GPC5: variants seen among roughly 807,000 people sequenced by gnomAD.
GPC5 encodes the protein glypican 5, also known as glypican-5.
GPC5 carries 47 observed loss-of-function variants against 53.9 expected under a neutral mutation model. That is an observed-to-expected ratio of 0.87 (90% CI 0.69 to 1.11). GPC5 has a LOEUF of 1.11. GPC5 is among the 50% of genes most tolerant of loss of function. The probability of loss-of-function intolerance (pLI) is 0.00; values close to 1 mark genes in which losing one functional copy is unlikely to be tolerated. For missense variants in GPC5, 748 were observed against 713.1 expected (o/e 1.05, Z -0.56); for synonymous variants, 286 against 263.3 (o/e 1.09, Z -0.84).
intron 7 of GPC5, among the ~76,000 whole-genome samples, chr13:92,595,550 C>T (rs865789968): frequency 1.3e-5 from 2 of 151,784 alleles, no homozygotes; most frequent in Admixed American, 6.6e-5. Context: ...AGGCGGATCA[C>T]GAGGTCAGGA....
intron 7 of GPC5, among the ~76,000 whole-genome samples, chr13:92,577,169 C>T (rs1394685522): frequency 6.6e-6 from 1 of 152,094 alleles, no homozygotes; most frequent in Non-Finnish European, 1.5e-5. Context: ...TCCTATCTGC[C>T]ATGCTTCTCT....
At chr13:92,046,107 G>T (rs1183622017) in intron 6 of GPC5, among the ~76,000 whole-genome samples, 1 of 137,508 alleles carries the variant, frequency 7.3e-6, no homozygotes, top group Non-Finnish European at 1.6e-5. Flanking sequence ...AACAGAGTGA[G>T]ACTATATCAA....
chr13:92,782,499 A>C (rs185172003), intron 7 of GPC5, among the ~76,000 whole-genome samples: 6 of 152,250 alleles, frequency 3.9e-5, no homozygotes, highest in Non-Finnish European at 8.8e-5. Flanking sequence ...TTTATACTGA[A>C]TCCTAAAGAA....
chr13:92,198,831 A>G (rs2042274890), intron 7 of GPC5, among the ~76,000 whole-genome samples: 1 of 152,216 alleles, frequency 6.6e-6, no homozygotes, highest in Non-Finnish European at 1.5e-5. Context: ...AAACCGAGAA[A>G]TGGTCATATA....
Position 92,731,261 on chromosome 13 carries a change from A to G in GPC5, c.1562-135021A>G, listed in dbSNP as rs189540169. Reference sequence around the variant, plus strand: ...TTAAAAATCATGGAAAAATACTTCAATGTGATGTAATTAGAGCTCAAAATA... The same window carrying G: ...TTAAAAATCATGGAAAAATACTTCAGTGTGATGTAATTAGAGCTCAAAATA... On this transcript the variant is annotated intron_variant, in intron 7 of 7. Coordinates refer to ENST00000377067, the MANE Select transcript of GPC5 (RefSeq NM_004466.6). 2.8e-3 allele frequency among the ~76,000 whole-genome samples: 429 copies of G among 151,680 alleles called. 2 individuals carry two copies. Among genetic ancestry groups the G allele is most frequent in the African/African-American group, 9.7e-3 (403 of 41,492 alleles).
intron 7 of GPC5, among the ~76,000 whole-genome samples, chr13:92,272,768 A>C (rs1254504773): frequency 2.0e-5 from 3 of 152,202 alleles, no homozygotes; most frequent in Non-Finnish European, 4.4e-5. Context: ...CATGTATTAC[A>C]GAACAAAGTG....
intron 2 of GPC5, among the ~76,000 whole-genome samples, chr13:91,644,350 G>A (rs2034507814): frequency 6.6e-6 from 1 of 152,142 alleles, no homozygotes; most frequent in Non-Finnish European, 1.5e-5. Flanking sequence ...GCAAATGCAG[G>A]TGTTCTGACT....
At position 91,423,045 on chromosome 13, in the gene GPC5, G is replaced by A. The variant is rs972773203; in HGVS notation, c.163+23836G>A. 4.6e-5 allele frequency among the ~76,000 whole-genome samples: 7 copies of A among 152,160 alleles called. No individual in the cohort carries two copies. In the East Asian group the frequency reaches 1.3e-3, roughly 29 times the overall value. On this transcript the variant is annotated intron_variant, in intron 1 of 7. Transcript: ENST00000377067. Reference sequence around the variant, plus strand: ...TAACTTGAATTCACACCTTATGTTGGATTCATAAAGACAAAACTGCACCAT... The same window carrying A: ...TAACTTGAATTCACACCTTATGTTGAATTCATAAAGACAAAACTGCACCAT...
intron 5 of GPC5, among the ~76,000 whole-genome samples, chr13:91,865,340 T>A (rs1185895665): frequency 6.6e-6 from 1 of 152,142 alleles, no homozygotes; most frequent in Non-Finnish European, 1.5e-5. Context: ...TTAAAAAAAA[T>A]GTATCTCGTG....
chr13:92,250,716 A>C (rs9523555), intron 7 of GPC5, among the ~76,000 whole-genome samples: 82,426 of 151,890 alleles, frequency 0.54, 22,810 homozygotes, highest in South Asian at 0.65. Flanking sequence ...TATGTAAAAT[A>C]TATTAAAATA....
At chr13:92,370,539 A>AC (rs1188117878) in intron 7 of GPC5, among the ~76,000 whole-genome samples, 8 of 100,418 alleles carry the variant, frequency 8.0e-5, no homozygotes, top group Non-Finnish European at 1.3e-4. Flanking sequence ...AGAAAAAAAA[A>AC]ACAGCTTGTC....
At chr13:92,046,837 T>C (rs546969153) in intron 6 of GPC5, among the ~76,000 whole-genome samples, 15 of 152,380 alleles carry the variant, frequency 9.8e-5, no homozygotes, top group Non-Finnish European at 1.8e-4. Context: ...TGCAGACTTC[T>C]GTCTTTATAA....
At chr13:92,100,720 A>G (rs1179125989) in intron 6 of GPC5, among the ~76,000 whole-genome samples, 2 of 152,122 alleles carry the variant, frequency 1.3e-5, no homozygotes, top group African/African-American at 2.4e-5. Flanking sequence ...ATCTTTTTGG[A>G]AGAATTCTGT....
intron 5 of GPC5, among the ~76,000 whole-genome samples, chr13:91,903,262 G>T (rs1321904767): frequency 6.6e-6 from 1 of 151,892 alleles, no homozygotes; most frequent in Admixed American, 6.6e-5. Context: ...GCATATAGTT[G>T]TAATTCATTA....
At chr13:92,380,585 C>A (rs371457752) in intron 7 of GPC5, among the ~76,000 whole-genome samples, 311 of 152,030 alleles carry the variant, frequency 2.0e-3, no homozygotes, top group African/African-American at 7.1e-3. Context: ...ACATATACAC[C>A]ATGGAATACT....
intron 7 of GPC5, among the ~76,000 whole-genome samples, chr13:92,635,524 C>A (rs552472293): frequency 6.6e-6 from 1 of 152,236 alleles, no homozygotes; most frequent in African/African-American, 2.4e-5. Context: ...TTATCAGGAA[C>A]CGGCTCCCAA....
chr13:92,129,093 G>C (rs377426687), intron 6 of GPC5, among the ~76,000 whole-genome samples: 1 of 152,198 alleles, frequency 6.6e-6, no homozygotes. Context: ...CTAAGATTTT[G>C]AAGCTGAATA....
intron 7 of GPC5, among the ~76,000 whole-genome samples, chr13:92,255,635 T>C (rs1340960015): frequency 6.6e-6 from 1 of 152,174 alleles, no homozygotes; most frequent in Non-Finnish European, 1.5e-5. Context: ...CAGGCAGATG[T>C]TTCCTTTATG....
At chr13:92,422,782 C>A (rs749341934) in intron 7 of GPC5, among the ~76,000 whole-genome samples, 1 of 151,992 alleles carries the variant, frequency 6.6e-6, no homozygotes, top group Non-Finnish European at 1.5e-5. Flanking sequence ...TTTCTAAGAC[C>A]AAAAGATATA....
Sources: gnomAD v4.1 joint callset for allele counts (sites outside exome capture counted in the v4.1 genomes callset) on GRCh38, gnomAD v4.1.1 for gene constraint, MANE v1.5 for transcripts, NCBI Gene and HGNC (gene_info 2026-07-23, HGNC 2026-07-21) for gene names.